The following NRK variants were observed in gnomAD, a reference collection of about 807,000 sequenced individuals.
NRK encodes nik-related protein kinase.
Under a neutral mutation model 125.2 loss-of-function variants are expected in NRK, and 67 were observed. The observed-to-expected ratio is 0.54, with a 90% CI of 0.44 to 0.66. NRK has a LOEUF of 0.66. NRK is among the 30% of genes least tolerant of loss of function. NRK has a pLI of 0.00. For missense variants in NRK, 1,224 were observed against 1,192.9 expected, an observed-to-expected ratio of 1.03 and a Z score of -0.38; for synonymous variants, 458 against 429.0, an observed-to-expected ratio of 1.07 and a Z score of -0.84.
chrX:105,861,805 T>C (rs1256004285), intron 2 of NRK, among the ~76,000 whole-genome samples: 1 of 111,920 alleles, frequency 8.9e-6, no homozygotes, highest in East Asian at 2.8e-4. Flanking sequence ...ATGCCTGTAA[T>C]CCCAGCACTT....
intron 19 of NRK, among the ~76,000 whole-genome samples, chrX:105,926,763 T>C (rs1360642710): frequency 9.0e-6 from 1 of 111,286 alleles, no homozygotes; most frequent in Non-Finnish European, 1.9e-5. Context: ...CTTTCCCCAG[T>C]GAATATTCTT....
intron 1 of NRK, among the ~76,000 whole-genome samples, chrX:105,824,487 G>C (rs1250150532): frequency 1.8e-5 from 2 of 110,794 alleles, no homozygotes; most frequent in African/African-American, 6.6e-5. Flanking sequence ...ACTGTTGCGG[G>C]CAGGTGGGCA....
At chrX:105,875,275 T>C (rs1404270019) in intron 2 of NRK, among the ~76,000 whole-genome samples, 1 of 111,544 alleles carries the variant, frequency 9.0e-6, no homozygotes, top group Non-Finnish European at 1.9e-5. Context: ...TGAAATTCCC[T>C]GCTCACTCAT....
chrX:105,875,647 T>A (rs951229265), intron 2 of NRK, among the ~76,000 whole-genome samples: 30 of 109,696 alleles, frequency 2.7e-4, no homozygotes, highest in Non-Finnish European at 4.6e-4. Context: ...TGAATTATTA[T>A]TTATTATTAT....
intron 1 of NRK, among the ~76,000 whole-genome samples, chrX:105,828,490 A>G (rs2039144346): frequency 8.9e-6 from 1 of 112,100 alleles, no homozygotes; most frequent in African/African-American, 3.2e-5. Context: ...ACTGTGCTCA[A>G]AGATTCAAAA....
chrX:105,894,218 G>A (rs374424196), intron 6 of NRK, among the ~76,000 whole-genome samples: 1 of 111,538 alleles, frequency 9.0e-6, no homozygotes, highest in African/African-American at 3.3e-5. Context: ...ATGACCACTT[G>A]GATTATTTAT....
chrX:105,906,392 C>T lies in NRK; in HGVS notation c.846-22C>T, dbSNP rs1243977748. On this transcript the variant is annotated intron_variant, in intron 10 of 28. Transcript: ENST00000243300. ...ACAGGACTGAGAACACTTTTTTTTC[C>T]TCTCTTTGACTCATTTTTTAGGTCC... 3.2e-5 allele frequency: 33 copies of T among 1,039,115 alleles called. No homozygotes were observed. In the Admixed American group the frequency reaches 3.2e-4, roughly 10 times the overall value. The allele number at this position is 1,039,115 out of a possible 1,213,427, so 85.6% of individuals were successfully genotyped here. A position where few individuals can be genotyped will look rare whatever the true frequency, so the allele number is the denominator to read the frequency against.
intron 13 of NRK, among the ~76,000 whole-genome samples, chrX:105,911,260 G>A (rs1485373858): frequency 1.8e-5 from 2 of 111,841 alleles, no homozygotes; most frequent in Non-Finnish European, 3.8e-5. Context: ...TAATTTTACT[G>A]GAGTTATTGA....
intron 28 of NRK, among the ~76,000 whole-genome samples, chrX:105,954,313 T>C (rs1055957417): frequency 9.0e-6 from 1 of 111,034 alleles, no homozygotes; most frequent in African/African-American, 3.3e-5. Context: ...TCCCCCTCTG[T>C]ATAGAGCAAA....
At chrX:105,859,571 A>G (rs1310446794) in intron 2 of NRK, among the ~76,000 whole-genome samples, 1 of 112,103 alleles carries the variant, frequency 8.9e-6, no homozygotes, top group African/African-American at 3.2e-5. Flanking sequence ...TGCTGCTTGA[A>G]CCTAGAAATC....
Position 105,856,480 on chromosome X carries a change from A to G in NRK, c.124-23719A>G, listed in dbSNP as rs181580301. ...ATGTGCATGCTATTTTAGAATCTTT[A>G]TGGATGCAACAGCAGCAGAAAGCAA... is the stretch of plus-strand genomic sequence containing the variant. On this transcript the variant is annotated intron_variant, in intron 2 of 28. Transcript: ENST00000243300. 1.9e-3 allele frequency among the ~76,000 whole-genome samples: 218 copies of G among 111,946 alleles called. 3 individuals carry two copies. The highest frequency in any genetic ancestry group is 6.8e-3 in the African/African-American group (211 of 30,910).
chrX:105,912,603 A>G, intron 13 of NRK, 45 bp from the exon 14 acceptor site: 3 of 659,696 alleles, frequency 4.5e-6, no homozygotes, highest in East Asian at 4.1e-5. Context: ...TATCACTTGC[A>G]TTTTAACAAC....
intron 22 of NRK, among the ~76,000 whole-genome samples, chrX:105,938,739 A>C (rs192265355): frequency 2.6e-4 from 29 of 111,999 alleles, no homozygotes; most frequent in Admixed American, 5.7e-4. Context: ...CATTTAAGAA[A>C]TAGAATAGCG....
intron 9 of NRK, among the ~76,000 whole-genome samples, chrX:105,903,366 T>C (rs1319082535): frequency 1.8e-5 from 2 of 111,491 alleles, no homozygotes; most frequent in African/African-American, 3.3e-5. Flanking sequence ...CCTGAGTGCA[T>C]TGTGGCTCAA....
At chrX:105,873,726 G>T (rs1262126820) in intron 2 of NRK, among the ~76,000 whole-genome samples, 1 of 110,389 alleles carries the variant, frequency 9.1e-6, no homozygotes, top group African/African-American at 3.3e-5. Flanking sequence ...TGCTCATAAT[G>T]TCCCATCCAC....
chrX:105,900,476 T>C, intron 8 of NRK, 142 bp from the exon 9 acceptor site: 1 of 450,812 alleles, frequency 2.2e-6, no homozygotes, highest in Non-Finnish European at 3.9e-6. Flanking sequence ...AATGTCACTC[T>C]ATAATAAAGC....
intron 19 of NRK, 35 bp downstream of exon 19, chrX:105,925,066 C>G (rs1000937455): frequency 4.0e-6 from 4 of 1,004,796 alleles, no homozygotes; most frequent in African/African-American, 1.9e-5. Flanking sequence ...TTGAACTCCT[C>G]TCATTGCGAA....
In NRK at chrX:105,905,269, G is replaced by A; in HGVS notation, c.771G>A (p.Leu257=). 2.5e-6 allele frequency: 3 copies of A among 1,202,734 alleles called. No homozygotes were observed. The highest frequency in any genetic ancestry group is 3.4e-6 in the Non-Finnish European group (3 of 888,095). The change falls in exon 10 of 29, where the codon CTG becomes CTA. Residue 257 remains leucine, a synonymous_variant. Coordinates refer to ENST00000243300, the MANE Select transcript of NRK (RefSeq NM_198465.4). The stretch of plus-strand genomic sequence containing the variant: ...TTTATCTATTTCCCTTTGCAGCTCT[G>A]TGTAACCTTCAACCCTTGGAAGCTC... The part of the protein sequence containing the change: ...AIEMAEGAPP[L]CNLQPLEALF...
At chrX:105,868,520 G>A (rs1353720959) in intron 2 of NRK, among the ~76,000 whole-genome samples, 1 of 111,362 alleles carries the variant, frequency 9.0e-6, no homozygotes, top group Non-Finnish European at 1.9e-5. Context: ...GATTGCCTTA[G>A]TCTTCCATAT....
Sources: allele counts gnomAD v4.1 joint callset (sites outside exome capture counted in the v4.1 genomes callset), GRCh38; gene constraint gnomAD v4.1.1; transcripts MANE v1.5; gene names NCBI Gene and HGNC (gene_info 2026-07-23, HGNC 2026-07-21).